SLC9B1: variants seen among roughly 807,000 people sequenced by gnomAD.
SLC9B1 encodes solute carrier family 9 member B1.
Under a neutral mutation model 51.7 loss-of-function variants are expected in SLC9B1, and 32 were observed. The ratio of observed to expected loss-of-function variants is 0.62; its 90% CI spans 0.47 to 0.83. The LOEUF is 0.83. SLC9B1 is among the 40% of genes least tolerant of loss of function. SLC9B1 has a pLI of 0.00. For missense variants in SLC9B1, 406 were observed against 613.2 expected (o/e 0.66, Z 3.57); for synonymous variants, 145 against 212.7 (o/e 0.68, Z 2.77).
chr4:102,905,680 C>A, intron 10 of SLC9B1, 30 bp from the exon 11 acceptor site: 1 of 1,592,886 alleles, frequency 6.3e-7, no homozygotes, highest in Non-Finnish European at 8.5e-7. Context: ...ACATAAATAA[C>A]AAAATATTTG....
Position 102,946,674 on chromosome 4 carries a change from T to C in SLC9B1, c.498A>G (p.Ile166Met). The C allele has an allele frequency of 1.2e-6, 2 of 1,609,990 alleles. 1 individual carries two copies. The highest frequency in any genetic ancestry group is 2.2e-5 in the South Asian group (2 of 90,352). ...GTGGATCGAGTCCAAGCCCAGCTCTTATTAGAATAATGGTAAGGGCAATGC... is the reference window on the plus strand; with the variant it reads ...GTGGATCGAGTCCAAGCCCAGCTCTCATTAGAATAATGGTAAGGGCAATGC... ...LRSIALTIIL[I>M]RAGLGLDPQA... The change falls in exon 5 of 12, where the codon ATA becomes ATG. Residue 166 changes from isoleucine to methionine, a missense_variant. This residue lies in a region of SLC9B1 where 250 missense variants were observed against 394.1 expected (regional missense o/e 0.63). Coordinates refer to ENST00000296422, the MANE Select transcript of SLC9B1 (RefSeq NM_139173.4).
At chr4:102,892,452 T>G (rs1426503161) in intron 11 of SLC9B1, 1 of 152,216 alleles carries the variant, frequency 6.6e-6, no homozygotes, top group Non-Finnish European at 1.5e-5. Flanking sequence ...TATTAGCAAT[T>G]GTACTGTTTA....
Position 103,006,557 on chromosome 4 carries a change from C to T in SLC9B1, c.-2+13042G>A, listed in dbSNP as rs565313339. Among the ~76,000 whole-genome samples the T allele has an allele frequency of 7.2e-5, 11 of 152,176 alleles. No homozygotes were observed. In the East Asian group the frequency reaches 1.7e-3, roughly 24 times the overall value. On this transcript the variant is annotated intron_variant, in intron 1 of 11. Coordinates refer to ENST00000296422, the MANE Select transcript of SLC9B1 (RefSeq NM_139173.4). ...CAGAATGATTCACAGCCAAATTCTG[C>T]CAGATATATAACGAAGACCTGGTAG...
intron 11 of SLC9B1, chr4:102,888,730 C>T (rs1275045427): frequency 6.6e-6 from 1 of 152,300 alleles, no homozygotes; most frequent in African/African-American, 2.4e-5. Flanking sequence ...TACAAGAGCC[C>T]AGGAGTTCAA....
chr4:102,941,198 C>A (rs1372518011), intron 6 of SLC9B1, among the ~76,000 whole-genome samples: 1 of 152,032 alleles, frequency 6.6e-6, no homozygotes, highest in Non-Finnish European at 1.5e-5. Flanking sequence ...CAAAGGAAAT[C>A]ATCAACAAAC....
intron 3 of SLC9B1, among the ~76,000 whole-genome samples, chr4:102,971,703 G>GT (rs1202540725): frequency 6.6e-6 from 1 of 152,028 alleles, no homozygotes; most frequent in Non-Finnish European, 1.5e-5. Flanking sequence ...TCCAGGAGCT[G>GT]TTTTTTTGAA....
intron 3 of SLC9B1, among the ~76,000 whole-genome samples, chr4:102,974,025 C>T (rs188933554): frequency 9.0e-4 from 136 of 151,842 alleles, no homozygotes; most frequent in African/African-American, 3.1e-3. Flanking sequence ...TACCTGAGGT[C>T]GGGAGTTCAA....
chr4:102,942,071 AAACAAACAAAC>A (rs1737030577), intron 6 of SLC9B1, among the ~76,000 whole-genome samples: 1 of 151,980 alleles, frequency 6.6e-6, no homozygotes, highest in African/African-American at 2.4e-5. Context: ...CTGCAAAAAC[AAACAAACAAAC>A]AACAAACAAA....
At chr4:102,889,744 T>C (rs1734142276) in intron 11 of SLC9B1, 1 of 152,224 alleles carries the variant, frequency 6.6e-6, no homozygotes, top group African/African-American at 2.4e-5. Flanking sequence ...GCTGTTGCTT[T>C]AATAACTCCT....
Position 102,905,233 on chromosome 4 carries a change from A to ATTTATTTATTTATTTATTTAT in SLC9B1, c.1332+280_1332+281insATAAATAAATAAATAAATAAA, listed in dbSNP as rs569004930. On this transcript the variant is annotated intron_variant, in intron 11 of 11. Coordinates refer to ENST00000296422, the MANE Select transcript of SLC9B1 (RefSeq NM_139173.4). ...TGTTTATTTATTTATTTATTTATTT[A>ATTTATTTATTTATTTATTTAT]TTTTTTTGAGATGGAGTCACTCTGT... Among the ~76,000 whole-genome samples the ATTTATTTATTTATTTATTTAT allele has an allele frequency of 4.3e-4, 65 of 149,584 alleles. 1 individual carries two copies. The South Asian group carries it at 5.0e-3, about 12-fold the overall frequency.
intron 1 of SLC9B1, among the ~76,000 whole-genome samples, chr4:103,008,956 C>T (rs893209302): frequency 6.6e-6 from 1 of 152,208 alleles, no homozygotes; most frequent in African/African-American, 2.4e-5. Flanking sequence ...CGTGCCACCA[C>T]GTCTGGCTAA....
chr4:102,989,844 A>G lies in SLC9B1; in HGVS notation c.167T>C (p.Ile56Thr). 1.2e-6 allele frequency: 2 copies of G among 1,603,220 alleles called. No individual in the cohort carries two copies. The highest frequency in any genetic ancestry group is 2.2e-5 in the South Asian group (2 of 89,866). Residue 56 changes from isoleucine to threonine, a missense_variant, in exon 3 of 12, where the codon ATT (isoleucine) becomes ACT (threonine). Ile to Thr is a moderately conservative substitution (Grantham distance 89). Coordinates refer to ENST00000296422, the MANE Select transcript of SLC9B1 (RefSeq NM_139173.4). ...IKPQTKKETY[I>T]SCPLRGVLNV... is the part of the protein sequence containing the mutation. ...CAATACTCCTCTTAGAGGACAAGAA[A>G]TGTATGTCTCCTTTTTTGTCTGTGG...
chr4:102,979,537 C>T (rs1380104333), intron 3 of SLC9B1, among the ~76,000 whole-genome samples: 1 of 152,064 alleles, frequency 6.6e-6, no homozygotes, highest in Non-Finnish European at 1.5e-5. Flanking sequence ...ATCAGCTTTC[C>T]AGACAGGAGG....
At chr4:102,932,705 T>C (rs1328733590) in intron 6 of SLC9B1, among the ~76,000 whole-genome samples, 1 of 152,140 alleles carries the variant, frequency 6.6e-6, no homozygotes, top group Non-Finnish European at 1.5e-5. Context: ...TCTGTGTAAA[T>C]AAGATTGCCT....
In SLC9B1 at chr4:103,008,865, T is replaced by C. The variant is rs967571511; in HGVS notation, c.-2+10734A>G. 8.1e-5 allele frequency among the ~76,000 whole-genome samples: 11 copies of C among 136,356 alleles called. No individual in the cohort carries two copies. The South Asian group carries it at 2.0e-3, about 25-fold the overall frequency. The allele number at this position is 136,356 out of a possible 152,430, so 89.5% of individuals were successfully genotyped here. A position where few individuals can be genotyped will look rare whatever the true frequency, so the allele number is the denominator to read the frequency against. On this transcript the variant is annotated intron_variant, in intron 1 of 11. Coordinates refer to ENST00000296422, the MANE Select transcript of SLC9B1 (RefSeq NM_139173.4). ...CCCAGGCGGGAGTGCAGTGGCGCAA[T>C]CTCGACTCACGGCAACCTCCGCCTC...
At chr4:102,995,804 T>C (rs932925029) in intron 1 of SLC9B1, among the ~76,000 whole-genome samples, 1 of 152,174 alleles carries the variant, frequency 6.6e-6, no homozygotes, top group Admixed American at 6.5e-5. Context: ...AAAAAATATA[T>C]AATAATGCTT....
chr4:102,984,135 G>A (rs1170108283), intron 3 of SLC9B1, among the ~76,000 whole-genome samples: 1 of 150,592 alleles, frequency 6.6e-6, no homozygotes, highest in African/African-American at 2.5e-5. Context: ...TTATTTTATT[G>A]AGACAGAGTC....
rs147654307 is a variant in SLC9B1 at position 102,996,996 on chromosome 4, A to T, written c.-1-5284T>A. On this transcript the variant is annotated intron_variant, in intron 1 of 11. Transcript: ENST00000296422. ...TTTAGTAGAGTCGAAGACTCACTATATTGCTCAGGCTGGTCTCAAACTCCT... is the reference window on the plus strand; with the variant it reads ...TTTAGTAGAGTCGAAGACTCACTATTTTGCTCAGGCTGGTCTCAAACTCCT... Among the ~76,000 whole-genome samples, 353 of 151,176 alleles carry T rather than the reference A, an allele frequency of 2.3e-3. 1 individual carries two copies. Among genetic ancestry groups the T allele is most frequent in the African/African-American group, 6.8e-3 (281 of 41,038 alleles).
chr4:102,919,574 C>T (rs978191354), intron 7 of SLC9B1, among the ~76,000 whole-genome samples: 19 of 152,110 alleles, frequency 1.2e-4, no homozygotes, highest in Non-Finnish European at 2.5e-4. Context: ...GGGTGCAGGC[C>T]CACAGAGGGT....
Sources: gnomAD v4.1 joint callset for allele counts (sites outside exome capture counted in the v4.1 genomes callset) on GRCh38, gnomAD v4.1.1 for gene constraint, gnomAD v4.1.1 regional missense constraint, MANE v1.5 for transcripts, NCBI Gene and HGNC (gene_info 2026-07-23, HGNC 2026-07-21) for gene names.